The following NARS2 variants were observed in gnomAD, a reference collection of about 807,000 sequenced individuals.
The protein encoded by NARS2 is asparaginyl-tRNA synthetase.
In NARS2, 60 loss-of-function variants were observed where a neutral mutation model predicts 62.9. That is an observed-to-expected ratio of 0.95 (90% CI 0.77 to 1.18). NARS2 has a LOEUF of 1.18. NARS2 is among the 50% of genes most tolerant of loss of function. NARS2 has a pLI of 0.00. For synonymous variants in NARS2, 196 were observed against 200.0 expected (o/e 0.98, Z 0.17); for missense variants, 619 against 576.4 (o/e 1.07, Z -0.76).
rs920942365 is a variant in NARS2, at chr11:78,505,336, A to G, written c.690-12141T>C. Among the ~76,000 whole-genome samples, 12 of 151,416 alleles carry G rather than the reference A, an allele frequency of 7.9e-5. No individual in the cohort carries two copies. The East Asian group carries it at 1.2e-3, about 15-fold the overall frequency. On this transcript the variant is annotated intron_variant, in intron 6 of 13. Transcript: ENST00000281038. ...CACACACACACACATACGTATGTAT[A>G]TATCTTATGTTAAAAGAGAAAAAGA...
chr11:78,572,982 C>A (rs1213196852), intron 1 of NARS2, among the ~76,000 whole-genome samples: 2 of 152,172 alleles, frequency 1.3e-5, no homozygotes, highest in African/African-American at 4.8e-5. Flanking sequence ...CAGGACTAAA[C>A]TGAAATCCTC....
intron 7 of NARS2, among the ~76,000 whole-genome samples, chr11:78,491,130 A>G (rs990890981): frequency 2.0e-5 from 3 of 152,236 alleles, no homozygotes; most frequent in African/African-American, 7.2e-5. Flanking sequence ...CTGAATCCCT[A>G]CAGTCCAGAA....
At chr11:78,440,359 C>T (rs900231425) in intron 13 of NARS2, among the ~76,000 whole-genome samples, 1 of 151,980 alleles carries the variant, frequency 6.6e-6, no homozygotes, top group African/African-American at 2.4e-5. Context: ...CCACCATGCC[C>T]GGCCGAGCCA....
intron 5 of NARS2, among the ~76,000 whole-genome samples, chr11:78,533,712 G>C (rs367694081): frequency 2.9e-4 from 44 of 152,154 alleles, no homozygotes; most frequent in East Asian, 9.6e-4. Flanking sequence ...CAGTCCCACA[G>C]GATTTGGACA....
intron 9 of NARS2, among the ~76,000 whole-genome samples, chr11:78,477,933 C>A (rs1212842808): frequency 6.6e-6 from 1 of 152,154 alleles, no homozygotes; most frequent in African/African-American, 2.4e-5. Context: ...TATCTCCACA[C>A]ACACACCCCG....
At position 78,531,797 on chromosome 11, in the gene NARS2, A is replaced by G. The variant is rs1237959633; in HGVS notation, c.595-2861T>C. 2.0e-5 allele frequency among the ~76,000 whole-genome samples: 3 copies of G among 152,218 alleles called. No individual in the cohort carries two copies. The East Asian group carries it at 5.8e-4, about 29-fold the overall frequency. ...AGAAGACAGACTTAAAAGGCTATGT[A>G]TGATTACATTTATATGAAACATACA... On this transcript the variant is annotated intron_variant, in intron 5 of 13. Transcript: ENST00000281038.
chr11:78,570,745 T>C (rs1835707785), intron 2 of NARS2, among the ~76,000 whole-genome samples: 1 of 152,212 alleles, frequency 6.6e-6, no homozygotes, highest in African/African-American at 2.4e-5. Flanking sequence ...CAACAGGCAA[T>C]AATTTGTCAT....
intron 3 of NARS2, among the ~76,000 whole-genome samples, chr11:78,567,257 A>C (rs546551918): frequency 7.2e-5 from 11 of 152,256 alleles, no homozygotes; most frequent in African/African-American, 2.4e-4. Context: ...CAAACCATAT[A>C]AACATTATGT....
At chr11:78,525,893 A>C (rs1861277705) in intron 6 of NARS2, among the ~76,000 whole-genome samples, 1 of 152,132 alleles carries the variant, frequency 6.6e-6, no homozygotes, top group Admixed American at 6.5e-5. Flanking sequence ...CTTTCAAAAT[A>C]CCCAAATAAC....
chr11:78,572,218 G>A (rs1347105628), intron 1 of NARS2, among the ~76,000 whole-genome samples: 8 of 152,100 alleles, frequency 5.3e-5, no homozygotes, highest in East Asian at 1.9e-4. Flanking sequence ...ATTTCCAAAC[G>A]ACTACTTTCT....
intron 4 of NARS2, among the ~76,000 whole-genome samples, chr11:78,564,533 T>G: frequency 1.3e-5 from 2 of 152,210 alleles, no homozygotes; most frequent in Non-Finnish European, 2.9e-5. Context: ...CTTGTCTTAC[T>G]TTTTAATTGT....
rs934291480 is a variant in NARS2, at chr11:78,478,887, A to T, written c.823-204T>A. 2.0e-5 allele frequency among the ~76,000 whole-genome samples: 3 copies of T among 152,318 alleles called. No individual in the cohort carries two copies. The East Asian group carries it at 5.8e-4, about 29-fold the overall frequency. The stretch of plus-strand genomic sequence containing the variant: ...GGGTGGCAGGGAGGAAGAAAAAAGG[A>T]AATGTTTTAATCTTATGTTGACAGT... On this transcript the variant is annotated intron_variant, in intron 7 of 13. Coordinates refer to ENST00000281038, the MANE Select transcript of NARS2 (RefSeq NM_024678.6).
rs574241470 is a variant in NARS2 at position 78,528,344 on chromosome 11, T to C, written c.689+498A>G. Among the ~76,000 whole-genome samples, 156 of 152,302 alleles carry C rather than the reference T, an allele frequency of 1.0e-3. 1 individual carries two copies. Among genetic ancestry groups the C allele is most frequent in the Middle Eastern group, 6.8e-3 (2 of 294 alleles). ...TAAAGAAAAGGTAGGCCCCAAGGAATACAGTGACTTTCCAGAGGTCTGACA... is the reference window on the plus strand; with the variant it reads ...TAAAGAAAAGGTAGGCCCCAAGGAACACAGTGACTTTCCAGAGGTCTGACA... On this transcript the variant is annotated intron_variant, in intron 6 of 13. Coordinates refer to ENST00000281038, the MANE Select transcript of NARS2 (RefSeq NM_024678.6).
Position 78,436,532 on chromosome 11 carries a change from T to G in NARS2, c.*138A>C. ...TAAGAAAATCACAACCACTTATATT[T>G]TTTCTATGATATCTTATGGCACAAC... is the stretch of plus-strand genomic sequence containing the variant. On this transcript the variant is annotated 3_prime_UTR_variant, in exon 14 of 14. Coordinates refer to ENST00000281038, the MANE Select transcript of NARS2 (RefSeq NM_024678.6). 1 of 1,065,686 alleles carries G rather than the reference T, an allele frequency of 9.4e-7. No individual in the cohort carries two copies. Among genetic ancestry groups the G allele is most frequent in the South Asian group, 1.9e-5 (1 of 53,746 alleles). The allele number at this position is 1,065,686 out of a possible 1,614,324, so 66.0% of individuals were successfully genotyped here.
chr11:78,447,097 C>T (rs1000747255), intron 11 of NARS2, among the ~76,000 whole-genome samples: 4 of 150,230 alleles, frequency 2.7e-5, no homozygotes, highest in African/African-American at 9.8e-5. Flanking sequence ...AGAAAAAATG[C>T]TCAAAATCAC....
intron 6 of NARS2, among the ~76,000 whole-genome samples, chr11:78,527,512 T>C (rs1207189385): frequency 6.6e-6 from 1 of 152,202 alleles, no homozygotes; most frequent in Non-Finnish European, 1.5e-5. Flanking sequence ...AAATAACATA[T>C]TTTTGTTTCA....
chr11:78,443,853 C>G, intron 11 of NARS2, 95 bp from the exon 12 acceptor site: 1 of 778,334 alleles, frequency 1.3e-6, no homozygotes. Context: ...TTGGCAATGG[C>G]TAATTAACTA....
intron 6 of NARS2, among the ~76,000 whole-genome samples, chr11:78,509,826 C>CAAAAAAAAAAAAAAAA: frequency 1.7e-5 from 2 of 116,674 alleles, no homozygotes; most frequent in Non-Finnish European, 3.4e-5. Flanking sequence ...GACTCTGTCT[C>CAAAAAAAAAAAAAAAA]AAAAAAAAAA....
chr11:78,518,157 T>C (rs1860981744), intron 6 of NARS2, among the ~76,000 whole-genome samples: 1 of 152,186 alleles, frequency 6.6e-6, no homozygotes, highest in African/African-American at 2.4e-5. Flanking sequence ...AAAAATACAG[T>C]ATAACAACTA....
Sources: gnomAD v4.1 joint callset for allele counts (sites outside exome capture counted in the v4.1 genomes callset) on GRCh38, gnomAD v4.1.1 for gene constraint, MANE v1.5 for transcripts, NCBI Gene and HGNC (gene_info 2026-07-23, HGNC 2026-07-21) for gene names.